KDM4C: variants seen among roughly 807,000 people sequenced by gnomAD.
KDM4C encodes the protein lysine demethylase 4C.
Under a neutral mutation model 129.3 loss-of-function variants are expected in KDM4C, and 81 were observed. That is an observed-to-expected ratio of 0.63 (90% confidence interval 0.52 to 0.75). The LOEUF is 0.75. Among genes scored for constraint, KDM4C ranks in the 30% least tolerant of loss-of-function variants. The pLI is 0.00. For synonymous variants in KDM4C, 573 were observed against 456.1 expected (o/e 1.26, Z -3.26); for missense variants, 1,457 against 1,304.0 (o/e 1.12, Z -1.81).
At chr9:6,949,799 C>A (rs984894519) in intron 8 of KDM4C, among the ~76,000 whole-genome samples, 1 of 152,166 alleles carries the variant, frequency 6.6e-6, no homozygotes, top group Non-Finnish European at 1.5e-5. Flanking sequence ...GCAGTACAGT[C>A]CAGCTTCGGC....
intron 8 of KDM4C, among the ~76,000 whole-genome samples, chr9:6,902,189 A>G (rs1012871340): frequency 2.6e-5 from 4 of 152,202 alleles, no homozygotes; most frequent in African/African-American, 9.7e-5. Context: ...TTTTGTACAT[A>G]TATCATTTAC....
At chr9:7,091,980 T>C (rs1835861115) in intron 17 of KDM4C, among the ~76,000 whole-genome samples, 1 of 152,238 alleles carries the variant, frequency 6.6e-6, no homozygotes. Flanking sequence ...TTACTTTTTG[T>C]CTCTTTTTCA....
At chr9:6,962,656 G>GA (rs1055964269) in intron 8 of KDM4C, among the ~76,000 whole-genome samples, 6 of 150,444 alleles carry the variant, frequency 4.0e-5, no homozygotes, top group African/African-American at 4.9e-5. Flanking sequence ...CATTAGTAGA[G>GA]AAAAAAAAAG....
At chr9:7,096,321 A>T (rs1403361959) in intron 17 of KDM4C, among the ~76,000 whole-genome samples, 1 of 152,156 alleles carries the variant, frequency 6.6e-6, no homozygotes, top group African/African-American at 2.4e-5. Flanking sequence ...TGCTGCTTTT[A>T]TGTGTGCGTT....
intron 19 of KDM4C, among the ~76,000 whole-genome samples, chr9:7,152,259 A>G (rs1418485982): frequency 2.0e-5 from 3 of 152,250 alleles, no homozygotes; most frequent in African/African-American, 7.2e-5. Flanking sequence ...AGCATTATGT[A>G]TGATAGGGGA....
chr9:6,777,047 C>T (rs184261011), intron 1 of KDM4C, among the ~76,000 whole-genome samples: 33 of 152,296 alleles, frequency 2.2e-4, no homozygotes, highest in Admixed American at 7.9e-4. Flanking sequence ...TCCAGGATTC[C>T]TCACCCTTCT....
chr9:6,835,063 G>A (rs774808584), intron 4 of KDM4C: 1 of 959,660 alleles, frequency 1.0e-6, no homozygotes, highest in Non-Finnish European at 1.7e-6. Context: ...CACCACGGCT[G>A]AGTGGGATAT....
chr9:7,002,037 C>T (rs775319163), intron 12 of KDM4C, among the ~76,000 whole-genome samples: 2 of 152,088 alleles, frequency 1.3e-5, no homozygotes, highest in South Asian at 4.2e-4. Context: ...GGACTACAGG[C>T]ACGTACCACC....
chr9:6,791,521 T>C (rs10283424), intron 1 of KDM4C, among the ~76,000 whole-genome samples: 101,179 of 152,014 alleles, frequency 0.67, 34,360 homozygotes, highest in African/African-American at 0.8. Flanking sequence ...TGCCTGGTGC[T>C]TGGCGATTTT....
At chr9:6,802,221 A>G (rs751481301) in intron 2 of KDM4C, among the ~76,000 whole-genome samples, 1 of 152,238 alleles carries the variant, frequency 6.6e-6, no homozygotes, top group African/African-American at 2.4e-5. Context: ...TGTACACTTA[A>G]CAGAAAGACT....
At chr9:6,923,089 T>C (rs912199273) in intron 8 of KDM4C, among the ~76,000 whole-genome samples, 1 of 152,244 alleles carries the variant, frequency 6.6e-6, no homozygotes, top group African/African-American at 2.4e-5. Context: ...GGTATTTATT[T>C]GGTAAAGCCT....
At chr9:6,950,395 T>G (rs1412000632) in intron 8 of KDM4C, among the ~76,000 whole-genome samples, 2 of 152,200 alleles carry the variant, frequency 1.3e-5, no homozygotes, top group Non-Finnish European at 2.9e-5. Flanking sequence ...TGGTTTTATT[T>G]TTCCCTGTCT....
intron 5 of KDM4C, among the ~76,000 whole-genome samples, chr9:6,853,109 A>G (rs1839157039): frequency 6.6e-6 from 1 of 152,100 alleles, no homozygotes; most frequent in African/African-American, 2.4e-5. Context: ...TGCCCTGTAA[A>G]GAATTGTTGT....
intron 17 of KDM4C, among the ~76,000 whole-genome samples, chr9:7,054,269 T>C (rs1830581945): frequency 6.6e-6 from 1 of 152,224 alleles, no homozygotes; most frequent in African/African-American, 2.4e-5. Context: ...AGAAAAAGAA[T>C]TGACCCCAAG....
intron 17 of KDM4C, among the ~76,000 whole-genome samples, chr9:7,102,892 C>G (rs1490353668): frequency 1.3e-5 from 2 of 152,198 alleles, no homozygotes; most frequent in African/African-American, 4.8e-5. Context: ...TAGTTCACAA[C>G]TTACATTTAG....
At chr9:6,785,083 T>G (rs540480864) in intron 1 of KDM4C, among the ~76,000 whole-genome samples, 12 of 152,226 alleles carry the variant, frequency 7.9e-5, no homozygotes, top group Non-Finnish European at 1.8e-4. Flanking sequence ...TGTAACTAAT[T>G]ATCACAAACT....
chr9:6,937,976 T>G (rs1825136251), intron 8 of KDM4C, among the ~76,000 whole-genome samples: 1 of 152,168 alleles, frequency 6.6e-6, no homozygotes, highest in South Asian at 2.1e-4. Context: ...CCTCCCAAAG[T>G]GCTGGGATTA....
chr9:6,992,019 C>CTT (rs3072730), intron 12 of KDM4C, among the ~76,000 whole-genome samples: 21,206 of 149,680 alleles, frequency 0.14, 1,930 homozygotes, highest in South Asian at 0.35. Context: ...AGTTCTTTTT[C>CTT]TTTTTTTTTT....
At chr9:7,028,555 G>A (rs186820639) in intron 15 of KDM4C, among the ~76,000 whole-genome samples, 47 of 151,994 alleles carry the variant, frequency 3.1e-4, no homozygotes, top group African/African-American at 9.4e-4. Context: ...AATTGAGGTC[G>A]GAGGTGGCAC....
Sources: gnomAD v4.1 joint callset for allele counts (sites outside exome capture counted in the v4.1 genomes callset) on GRCh38, gnomAD v4.1.1 for gene constraint, MANE v1.5 for transcripts, NCBI Gene and HGNC (gene_info 2026-07-23, HGNC 2026-07-21) for gene names.